The following TMEM30A variants were observed in gnomAD, a reference collection of about 807,000 sequenced individuals.
TMEM30A encodes the protein cell cycle control protein 50A.
Under a neutral mutation model 38.2 loss-of-function variants are expected in TMEM30A, and 24 were observed. The observed-to-expected ratio is 0.63, with a 90% CI of 0.46 to 0.88. The LOEUF is 0.88. Ranked by LOEUF, TMEM30A falls within the 40% of genes least tolerant of loss-of-function variation. The pLI is 0.00. For missense variants in TMEM30A, 370 were observed against 458.6 expected (o/e 0.81, Z 1.77); for synonymous variants, 145 against 161.6 (o/e 0.90, Z 0.78).
intron 5 of TMEM30A, 132 bp downstream of exon 5, chr6:75,259,215 C>G (rs753380882): frequency 1.5e-5 from 15 of 1,010,288 alleles, no homozygotes; most frequent in Admixed American, 2.8e-5. Context: ...ATTTACCTAA[C>G]TTGGTATGAA....
intron 3 of TMEM30A, among the ~76,000 whole-genome samples, chr6:75,262,651 A>G (rs1192882631): frequency 6.6e-6 from 1 of 152,208 alleles, no homozygotes; most frequent in East Asian, 1.9e-4. Context: ...TCTCAAAAAA[A>G]AAAACAACAA....
chr6:75,266,723 G>T (rs538155338), intron 2 of TMEM30A, among the ~76,000 whole-genome samples: 1 of 152,254 alleles, frequency 6.6e-6, no homozygotes, highest in South Asian at 2.1e-4. Flanking sequence ...AGAATTTATT[G>T]TATCTTTATT....
Position 75,265,286 on chromosome 6 carries a change from C to T in TMEM30A, c.398G>A (p.Arg133His), listed in dbSNP as rs994448041. The T allele has an allele frequency of 3.7e-6, 6 of 1,611,544 alleles. No homozygotes were observed. The highest frequency in any genetic ancestry group is 5.1e-6 in the Non-Finnish European group (6 of 1,178,838). The stretch of plus-strand genomic sequence containing the variant: ...ACTATCATCTCGAGATTTCACGTAA[C>T]GACGATGGTTTTGATAGAAATTAGA... ...GLSNFYQNHR[R>H]YVKSRDDSQL... The change falls in exon 3 of 7, where the codon CGT becomes CAT. Residue 133 changes from arginine to histidine, a missense_variant. Arg to His is a conservative substitution (Grantham distance 29). Coordinates refer to ENST00000230461, the MANE Select transcript of TMEM30A (RefSeq NM_018247.4).
intron 1 of TMEM30A, among the ~76,000 whole-genome samples, chr6:75,272,288 T>C (rs1191483654): frequency 6.6e-6 from 1 of 152,254 alleles, no homozygotes; most frequent in Non-Finnish European, 1.5e-5. Context: ...TCCTATCAAC[T>C]ATTAGTTCTT....
In TMEM30A at chr6:75,256,230, C is replaced by T. The variant is rs367869360; in HGVS notation, c.958G>A (p.Gly320Arg). ...MILSTISWMG[G>R]KNPFLGIAYI... The stretch of plus-strand genomic sequence containing the variant: ...GCAATCCCCAAAAATGGATTTTTTC[C>T]TCCCATCCATGAAATAGTGCTCAAG... The change falls in exon 7 of 7, where the codon GGA (glycine) becomes AGA (arginine). Residue 320 changes from glycine to arginine, a missense_variant. Physicochemically the swap from Gly to Arg is moderately radical, Grantham distance 125. Transcript: ENST00000230461. 5 of 1,613,570 alleles carry T rather than the reference C, an allele frequency of 3.1e-6. No homozygotes were observed. Among genetic ancestry groups the T allele is most frequent in the Non-Finnish European group, 4.2e-6 (5 of 1,179,632 alleles).
At chr6:75,270,884 A>G (rs1373493501) in intron 1 of TMEM30A, among the ~76,000 whole-genome samples, 4 of 152,240 alleles carry the variant, frequency 2.6e-5, no homozygotes, top group African/African-American at 9.6e-5. Flanking sequence ...TAATTAAAGA[A>G]GAGCTAGTCA....
At chr6:75,265,538 C>A (rs1240895502) in intron 2 of TMEM30A, among the ~76,000 whole-genome samples, 200 bp from the exon 3 acceptor site, 1 of 152,172 alleles carries the variant, frequency 6.6e-6, no homozygotes, top group Non-Finnish European at 1.5e-5. Flanking sequence ...TTACAAAAAG[C>A]CACAAGTAAA....
chr6:75,272,099 T>C (rs1414944043), intron 1 of TMEM30A, among the ~76,000 whole-genome samples: 1 of 152,230 alleles, frequency 6.6e-6, no homozygotes, highest in Non-Finnish European at 1.5e-5. Flanking sequence ...GAAGGTAAAC[T>C]GGACCCAAAA....
intron 6 of TMEM30A, among the ~76,000 whole-genome samples, chr6:75,257,694 C>T (rs1470547965): frequency 6.6e-6 from 1 of 152,084 alleles, no homozygotes; most frequent in African/African-American, 2.4e-5. Context: ...CCATAGCAGG[C>T]CATATTTACT....
chr6:75,281,567 T>C (rs576323175), intron 1 of TMEM30A, among the ~76,000 whole-genome samples: 35 of 152,258 alleles, frequency 2.3e-4, no homozygotes, highest in Admixed American at 9.8e-4. Flanking sequence ...ATCTTTTTTT[T>C]CCAGGGGTGT....
At chr6:75,274,751 C>T (rs547567633) in intron 1 of TMEM30A, among the ~76,000 whole-genome samples, 3 of 152,024 alleles carry the variant, frequency 2.0e-5, no homozygotes, top group East Asian at 1.9e-4. Context: ...AGGCCGGGCG[C>T]GGTGGCTCAC....
intron 1 of TMEM30A, chr6:75,272,640 G>A (rs571077099): frequency 2.0e-5 from 3 of 152,370 alleles, no homozygotes; most frequent in African/African-American, 7.2e-5. Flanking sequence ...TCTTCAAGGA[G>A]CGCCCTTTCT....
At position 75,274,864 on chromosome 6, in the gene TMEM30A, A is replaced by G. The variant is rs1400101931; in HGVS notation, c.238-7116T>C. 2.6e-5 allele frequency among the ~76,000 whole-genome samples: 4 copies of G among 152,150 alleles called. No homozygotes were observed. In the East Asian group the frequency reaches 5.8e-4, roughly 22 times the overall value. The stretch of plus-strand genomic sequence containing the variant: ...GTCTCTACTAAAAATACAAAAAATT[A>G]GCCAGGCCTGGTGGCGGGCGCCTGT... On this transcript the variant is annotated intron_variant, in intron 1 of 6. Coordinates refer to ENST00000230461, the MANE Select transcript of TMEM30A (RefSeq NM_018247.4).
At position 75,267,830 on chromosome 6, in the gene TMEM30A, G is replaced by A. The variant is rs576073894; in HGVS notation, c.238-82C>T. 1.4e-4 allele frequency: 127 copies of A among 877,348 alleles called. 1 individual carries two copies. In the African/African-American group the frequency reaches 1.8e-3, roughly 13 times the overall value. The allele number at this position is 877,348 out of a possible 1,614,324, so 54.3% of individuals were successfully genotyped here. A position where few individuals can be genotyped will look rare whatever the true frequency, so the allele number is the denominator to read the frequency against. ...CTCTGAAACGACTTGCTATTAAAAGGAAAATTAAGTCCAATGAAATGACCT... is the reference window on the plus strand; with the variant it reads ...CTCTGAAACGACTTGCTATTAAAAGAAAAATTAAGTCCAATGAAATGACCT... On this transcript the variant is annotated intron_variant, in intron 1 of 6. Coordinates refer to ENST00000230461, the MANE Select transcript of TMEM30A (RefSeq NM_018247.4).
intron 3 of TMEM30A, among the ~76,000 whole-genome samples, chr6:75,263,662 C>G (rs1212817614): frequency 6.6e-6 from 1 of 152,170 alleles, no homozygotes; most frequent in Admixed American, 6.5e-5. Flanking sequence ...ACTTGTGTCA[C>G]AATGCATGGT....
intron 1 of TMEM30A, among the ~76,000 whole-genome samples, chr6:75,268,193 T>A (rs1235213342): frequency 6.6e-6 from 1 of 152,240 alleles, no homozygotes; most frequent in African/African-American, 2.4e-5. Flanking sequence ...GCTACTGTTT[T>A]TTCAACACCT....
chr6:75,267,872 C>T (rs1772095559), intron 1 of TMEM30A, 124 bp from the exon 2 acceptor site: 2 of 543,006 alleles, frequency 3.7e-6, no homozygotes, highest in South Asian at 6.9e-5. Flanking sequence ...CAGACAAAAA[C>T]TGTTTTTAAG....
At chr6:75,282,331 T>C (rs925569512) in intron 1 of TMEM30A, among the ~76,000 whole-genome samples, 3 of 152,324 alleles carry the variant, frequency 2.0e-5, no homozygotes, top group Non-Finnish European at 4.4e-5. Context: ...ATGAGAGCCA[T>C]TTGAAAAATT....
intron 1 of TMEM30A, among the ~76,000 whole-genome samples, chr6:75,275,126 T>C (rs994784536): frequency 9.9e-5 from 15 of 152,274 alleles, no homozygotes; most frequent in African/African-American, 3.6e-4. Flanking sequence ...AGTTTCCATG[T>C]TTTTGTCCTA....
Sources: allele counts gnomAD v4.1 joint callset (sites outside exome capture counted in the v4.1 genomes callset), GRCh38; gene constraint gnomAD v4.1.1; transcripts MANE v1.5; gene names NCBI Gene and HGNC (gene_info 2026-07-23, HGNC 2026-07-21).